Variants in AUTS2 observed in about 807,000 individuals in gnomAD.
The protein encoded by AUTS2 is activator of transcription and developmental regulator AUTS2.
Under a neutral mutation model 112.4 loss-of-function variants are expected in AUTS2, and 17 were observed. That is an observed-to-expected ratio of 0.15 (90% CI 0.10 to 0.23). The LOEUF (loss-of-function observed/expected upper bound fraction) is 0.23. AUTS2 is among the 10% of genes least tolerant of loss of function. AUTS2 has a pLI of 1.00. For missense variants in AUTS2, 1,510 were observed against 1,701.6 expected, an observed-to-expected ratio of 0.89 and a Z score of 1.98; for synonymous variants, 751 against 702.7, an observed-to-expected ratio of 1.07 and a Z score of -1.09.
At chr7:70,648,079 T>C (rs1329094681) in intron 5 of AUTS2, among the ~76,000 whole-genome samples, 2 of 152,210 alleles carry the variant, frequency 1.3e-5, no homozygotes. Flanking sequence ...CCTCGGTTTC[T>C]CATTTATAAC....
At chr7:70,557,247 C>T (rs1801287718) in intron 5 of AUTS2, among the ~76,000 whole-genome samples, 1 of 152,154 alleles carries the variant, frequency 6.6e-6, no homozygotes, top group African/African-American at 2.4e-5. Context: ...CAATTTTGTT[C>T]TTTTCCCTGC....
chr7:70,134,237 G>A (rs534529255), intron 3 of AUTS2, among the ~76,000 whole-genome samples: 35 of 152,228 alleles, frequency 2.3e-4, no homozygotes, highest in African/African-American at 7.7e-4. Flanking sequence ...AGTGCAGGGC[G>A]AAATGCCATC....
Position 70,115,481 on chromosome 7 carries a change from G to T in AUTS2, c.523-2651G>T, listed in dbSNP as rs143110293. Among the ~76,000 whole-genome samples, 1,143 of 152,282 alleles carry T rather than the reference G, an allele frequency of 7.5e-3. 15 individuals carry two copies. The highest frequency in any genetic ancestry group is 0.026 in the African/African-American group (1,086 of 41,570). Reference sequence around the variant, plus strand: ...TGAGCCACTGTGCTCAGCCATAAAGGTGTTGATCAAATATCACCTAACAAG... The same window carrying T: ...TGAGCCACTGTGCTCAGCCATAAAGTTGTTGATCAAATATCACCTAACAAG... On this transcript the variant is annotated intron_variant, in intron 2 of 18. Coordinates refer to ENST00000342771, the MANE Select transcript of AUTS2 (RefSeq NM_015570.4).
chr7:70,585,975 G>T (rs38323), intron 5 of AUTS2, among the ~76,000 whole-genome samples: 20,206 of 151,936 alleles, frequency 0.13, 1,662 homozygotes, highest in East Asian at 0.18. Flanking sequence ...CTATTCTCCT[G>T]CCTCAGCCCC....
chr7:69,602,201 T>A (rs2129070455), intron 1 of AUTS2, among the ~76,000 whole-genome samples: 1 of 152,084 alleles, frequency 6.6e-6, no homozygotes, highest in South Asian at 2.1e-4. Flanking sequence ...GAAAATGTGC[T>A]CATTTTAATT....
At chr7:69,816,055 C>G (rs1196033527) in intron 1 of AUTS2, among the ~76,000 whole-genome samples, 2 of 152,156 alleles carry the variant, frequency 1.3e-5, no homozygotes, top group Non-Finnish European at 2.9e-5. Context: ...GGAATACAGG[C>G]CAAGCCTTTT....
At chr7:69,983,904 A>G (rs1029715684) in intron 2 of AUTS2, among the ~76,000 whole-genome samples, 11 of 152,334 alleles carry the variant, frequency 7.2e-5, no homozygotes, top group Admixed American at 6.5e-4. Context: ...AAACCCTTAT[A>G]AAATACTATG....
intron 4 of AUTS2, among the ~76,000 whole-genome samples, chr7:70,219,962 G>A (rs965973807): frequency 2.6e-5 from 4 of 152,144 alleles, no homozygotes; most frequent in African/African-American, 7.2e-5. Context: ...GTCACATTAA[G>A]TCTAAGACAT....
chr7:70,742,704 G>C (rs1788188760), intron 6 of AUTS2, among the ~76,000 whole-genome samples: 1 of 152,198 alleles, frequency 6.6e-6, no homozygotes, highest in African/African-American at 2.4e-5. Flanking sequence ...AGAGGTTGCA[G>C]TGAGCCGAGA....
chr7:70,680,076 A>G (rs191169616), intron 5 of AUTS2, among the ~76,000 whole-genome samples: 2 of 152,308 alleles, frequency 1.3e-5, no homozygotes, highest in African/African-American at 4.8e-5. Flanking sequence ...CATACTTCTG[A>G]CATTTCATTG....
chr7:70,628,736 G>A (rs552942662), intron 5 of AUTS2, among the ~76,000 whole-genome samples: 2 of 152,262 alleles, frequency 1.3e-5, no homozygotes, highest in South Asian at 2.1e-4. Context: ...TACATTCAAA[G>A]GAGATGATCA....
At chr7:69,857,993 T>G (rs1249232478) in intron 1 of AUTS2, among the ~76,000 whole-genome samples, 7 of 152,178 alleles carry the variant, frequency 4.6e-5, no homozygotes. Flanking sequence ...GATGGCACCT[T>G]GGGCATTGTC....
intron 5 of AUTS2, among the ~76,000 whole-genome samples, chr7:70,545,904 G>A (rs532740842): frequency 1.3e-5 from 2 of 152,194 alleles, no homozygotes; most frequent in African/African-American, 4.8e-5. Flanking sequence ...GACTGGCCAT[G>A]GACTGATCAT....
At chr7:70,371,467 T>C (rs1176187568) in intron 4 of AUTS2, among the ~76,000 whole-genome samples, 1 of 152,238 alleles carries the variant, frequency 6.6e-6, no homozygotes, top group East Asian at 1.9e-4. Flanking sequence ...TAAGACATAA[T>C]TGCAGTGTGC....
intron 2 of AUTS2, among the ~76,000 whole-genome samples, chr7:70,037,641 T>C (rs139989625): frequency 5.9e-5 from 9 of 152,298 alleles, no homozygotes; most frequent in Non-Finnish European, 1.3e-4. Flanking sequence ...GGATACTCAC[T>C]ACTCTTCTTT....
intron 1 of AUTS2, among the ~76,000 whole-genome samples, chr7:69,631,435 C>T (rs1794240464): frequency 6.6e-6 from 1 of 152,074 alleles, no homozygotes; most frequent in South Asian, 2.1e-4. Context: ...AGAACAAGAC[C>T]AAGGGATATG....
intron 5 of AUTS2, among the ~76,000 whole-genome samples, chr7:70,519,297 G>A (rs369569595): frequency 1.3e-5 from 2 of 152,182 alleles, no homozygotes. Flanking sequence ...AAGGACTCCT[G>A]AAAGGATAGG....
chr7:70,508,557 G>A (rs1585232825), intron 5 of AUTS2, among the ~76,000 whole-genome samples: 1 of 152,064 alleles, frequency 6.6e-6, no homozygotes, highest in Admixed American at 6.6e-5. Context: ...CTCCCCAGTA[G>A]TCAGTCCTGA....
intron 2 of AUTS2, among the ~76,000 whole-genome samples, chr7:70,039,449 G>T (rs775755724): frequency 6.6e-6 from 1 of 151,978 alleles, no homozygotes; most frequent in Non-Finnish European, 1.5e-5. Flanking sequence ...TGCAACCTCT[G>T]CCCCCTGGGT....
Sources: gnomAD v4.1 joint callset for allele counts (sites outside exome capture counted in the v4.1 genomes callset) on GRCh38, gnomAD v4.1.1 for gene constraint, MANE v1.5 for transcripts, NCBI Gene and HGNC (gene_info 2026-07-23, HGNC 2026-07-21) for gene names.